NPAS3: variants seen among roughly 807,000 people sequenced by gnomAD.
NPAS3 encodes the protein neuronal PAS domain protein 3.
NPAS3 carries 14 observed loss-of-function variants against 73.1 expected under a neutral mutation model. That is an observed-to-expected ratio of 0.19 (90% CI 0.13 to 0.30). The LOEUF is 0.30. Ranked by LOEUF, NPAS3 falls within the 10% of genes least tolerant of loss-of-function variation. The probability of loss-of-function intolerance (pLI) is 1.00; values close to 1 mark genes in which losing one functional copy is unlikely to be tolerated. For missense variants in NPAS3, 1,096 were observed against 1,250.0 expected (o/e 0.88, Z 1.86); for synonymous variants, 620 against 541.5 (o/e 1.14, Z -2.01).
chr14:33,535,063 C>A (rs1301569552), intron 4 of NPAS3, among the ~76,000 whole-genome samples: 1 of 152,144 alleles, frequency 6.6e-6, no homozygotes, highest in Non-Finnish European at 1.5e-5. Flanking sequence ...AAAGTCAAAG[C>A]AAAATGTTTC....
chr14:33,098,979 C>T (rs1308753657), intron 2 of NPAS3, among the ~76,000 whole-genome samples: 1 of 152,172 alleles, frequency 6.6e-6, no homozygotes, highest in Non-Finnish European at 1.5e-5. Flanking sequence ...GTCTATGTTC[C>T]AGTAGCCAAT....
intron 5 of NPAS3, among the ~76,000 whole-genome samples, chr14:33,666,885 A>G (rs923446162): frequency 6.6e-6 from 1 of 152,090 alleles, no homozygotes; most frequent in South Asian, 2.1e-4. Flanking sequence ...TTACTATCTT[A>G]TACCTCTTCC....
intron 5 of NPAS3, among the ~76,000 whole-genome samples, chr14:33,572,068 A>G (rs72682330): frequency 0.14 from 21,683 of 152,088 alleles, 1,812 homozygotes; most frequent in East Asian, 0.3. Context: ...ACACTTACAC[A>G]TAGTCAATTC....
At chr14:33,001,263 T>C (rs995100927) in intron 1 of NPAS3, among the ~76,000 whole-genome samples, 1 of 152,114 alleles carries the variant, frequency 6.6e-6, no homozygotes, top group Admixed American at 6.6e-5. Flanking sequence ...GAGGTATATA[T>C]GGGGCCAGCT....
At chr14:33,120,049 G>C (rs1215043710) in intron 2 of NPAS3, among the ~76,000 whole-genome samples, 1 of 151,840 alleles carries the variant, frequency 6.6e-6, no homozygotes, top group East Asian at 1.9e-4. Flanking sequence ...CTGTCACCCA[G>C]GTTGGGTTCA....
intron 6 of NPAS3, among the ~76,000 whole-genome samples, chr14:33,730,486 C>T (rs2061372661): frequency 6.6e-6 from 1 of 152,144 alleles, no homozygotes; most frequent in African/African-American, 2.4e-5. Flanking sequence ...CATTGTCTTC[C>T]AAGACTCAGG....
intron 1 of NPAS3, among the ~76,000 whole-genome samples, chr14:33,043,979 A>G (rs1373179000): frequency 6.6e-6 from 1 of 152,182 alleles, no homozygotes; most frequent in Non-Finnish European, 1.5e-5. Flanking sequence ...TGCAAACATG[A>G]TATATTTCTT....
At chr14:32,962,725 G>A (rs2036985473) in intron 1 of NPAS3, among the ~76,000 whole-genome samples, 1 of 150,998 alleles carries the variant, frequency 6.6e-6, no homozygotes, top group African/African-American at 2.4e-5. Flanking sequence ...ATCATGCCTG[G>A]CTAATTTTTG....
intron 4 of NPAS3, among the ~76,000 whole-genome samples, chr14:33,450,013 C>T (rs1337179312): frequency 2.6e-5 from 4 of 152,148 alleles, no homozygotes; most frequent in African/African-American, 7.2e-5. Flanking sequence ...GCACAGACAG[C>T]GCTGAGTACA....
rs138386544 is a variant in NPAS3, at chr14:33,784,173, C to A, written c.1153+5601C>A. ...GATCTTACCGTTTTTTTCCCTTGGGCGAATACTTTCCTGTGTACTTGACTG... is the reference window on the plus strand; with the variant it reads ...GATCTTACCGTTTTTTTCCCTTGGGAGAATACTTTCCTGTGTACTTGACTG... On this transcript the variant is annotated intron_variant, in intron 9 of 11. Transcript: ENST00000356141. 4.0e-3 allele frequency among the ~76,000 whole-genome samples: 608 copies of A among 152,226 alleles called. 5 individuals are homozygous for A. The highest frequency in any genetic ancestry group is 0.014 in the African/African-American group (580 of 41,530).
chr14:33,499,950 T>A (rs1480536276), intron 4 of NPAS3, among the ~76,000 whole-genome samples: 2 of 151,966 alleles, frequency 1.3e-5, no homozygotes, highest in East Asian at 3.9e-4. Flanking sequence ...TTTGTTTCTG[T>A]CTTGTGGAGT....
chr14:33,066,097 A>G (rs2041269722), intron 2 of NPAS3, among the ~76,000 whole-genome samples: 1 of 152,096 alleles, frequency 6.6e-6, no homozygotes, highest in African/African-American at 2.4e-5. Context: ...CAGGGGAAGC[A>G]GCATGCTTTT....
At chr14:33,289,963 C>T (rs1230654702) in intron 3 of NPAS3, among the ~76,000 whole-genome samples, 2 of 152,162 alleles carry the variant, frequency 1.3e-5, no homozygotes, top group Non-Finnish European at 2.9e-5. Flanking sequence ...TCAGTTTCCC[C>T]ATGGATGTTG....
intron 4 of NPAS3, among the ~76,000 whole-genome samples, chr14:33,553,347 A>AATTCTGCTGCCTCTTT (rs1330838785): frequency 6.6e-6 from 1 of 152,060 alleles, no homozygotes; most frequent in Non-Finnish European, 1.5e-5. Context: ...TCTCTCCTTT[A>AATTCTGCTGCCTCTTT]ATTCTGCTGC....
chr14:33,016,509 A>C lies in NPAS3; in HGVS notation c.51-39396A>C, dbSNP rs551887135. On this transcript the variant is annotated intron_variant, in intron 1 of 11. Coordinates refer to ENST00000356141, the Ensembl canonical transcript of NPAS3. ...CTGACAATAACTGATACCCAAAGAA[A>C]AAGAGAGTGGTTGTCTAAGCATCAC... Among the ~76,000 whole-genome samples the C allele has an allele frequency of 3.9e-5, 6 of 152,214 alleles. No homozygotes were observed. The South Asian group carries it at 1.2e-3, about 32-fold the overall frequency.
chr14:33,738,751 C>T (rs1424754901), intron 7 of NPAS3, among the ~76,000 whole-genome samples: 4 of 152,180 alleles, frequency 2.6e-5, no homozygotes, highest in Admixed American at 2.6e-4. Context: ...ACTTTTTATG[C>T]CTCAGGGGCT....
chr14:33,293,409 G>C (rs1225139816), intron 3 of NPAS3, among the ~76,000 whole-genome samples: 1 of 152,140 alleles, frequency 6.6e-6, no homozygotes, highest in Non-Finnish European at 1.5e-5. Flanking sequence ...AGGATAAAAA[G>C]TGTTGATAGA....
chr14:33,523,870 G>T (rs962204844), intron 4 of NPAS3, among the ~76,000 whole-genome samples: 1 of 152,110 alleles, frequency 6.6e-6, no homozygotes, highest in Admixed American at 6.5e-5. Flanking sequence ...ATCCATGATG[G>T]ACCTCCCTTA....
intron 1 of NPAS3, among the ~76,000 whole-genome samples, chr14:32,987,060 G>A (rs1265426473): frequency 2.0e-5 from 3 of 152,104 alleles, no homozygotes; most frequent in Non-Finnish European, 2.9e-5. Context: ...GGATGAAAAC[G>A]TCTTTCATGA....
Sources: gnomAD v4.1 joint callset for allele counts (sites outside exome capture counted in the v4.1 genomes callset) on GRCh38, gnomAD v4.1.1 for gene constraint, MANE v1.5 for transcripts, NCBI Gene and HGNC (gene_info 2026-07-23, HGNC 2026-07-21) for gene names.